COG5: variants seen among roughly 807,000 people sequenced by gnomAD.
COG5 encodes the protein conserved oligomeric Golgi complex subunit 5.
In COG5, 86 loss-of-function variants were observed where a neutral mutation model predicts 110.4. That is an observed-to-expected ratio of 0.78 (90% CI 0.65 to 0.93). The LOEUF (loss-of-function observed/expected upper bound fraction) is 0.93. Ranked by LOEUF, COG5 falls within the 40% of genes least tolerant of loss-of-function variation. COG5 has a pLI of 0.00. For synonymous variants in COG5, 360 were observed against 334.6 expected (o/e 1.08, Z -0.83); for missense variants, 1,077 against 987.0 (o/e 1.09, Z -1.22).
At chr7:107,383,943 GC>G (rs1815344706) in intron 7 of COG5, among the ~76,000 whole-genome samples, 1 of 152,136 alleles carries the variant, frequency 6.6e-6, no homozygotes, top group Admixed American at 6.5e-5. Flanking sequence ...GATCCCAGAA[GC>G]CCAACATACC....
intron 8 of COG5, among the ~76,000 whole-genome samples, chr7:107,370,870 G>A (rs1341677297): frequency 2.0e-5 from 3 of 150,654 alleles, no homozygotes. Flanking sequence ...AAGAACTGAT[G>A]CTTAAGGTTT....
At chr7:107,323,251 G>A (rs191592206) in intron 11 of COG5, among the ~76,000 whole-genome samples, 119 of 152,270 alleles carry the variant, frequency 7.8e-4, no homozygotes, top group Non-Finnish European at 1.6e-3. Context: ...GGAACAGGCC[G>A]GGCGCAGTGG....
At chr7:107,295,028 CACACACATAT>C (rs1221616999) in intron 12 of COG5, among the ~76,000 whole-genome samples, 4 of 105,042 alleles carry the variant, frequency 3.8e-5, no homozygotes, top group East Asian at 5.4e-4. Flanking sequence ...TATATATATA[CACACACATAT>C]ACACACACAC....
intron 11 of COG5, among the ~76,000 whole-genome samples, chr7:107,323,357 C>T (rs1471289811): frequency 2.0e-5 from 3 of 151,958 alleles, no homozygotes; most frequent in African/African-American, 4.8e-5. Flanking sequence ...GGTGAAACCC[C>T]GTCTTTACTA....
At chr7:107,358,965 A>G (rs1447603391) in intron 10 of COG5, among the ~76,000 whole-genome samples, 1 of 152,204 alleles carries the variant, frequency 6.6e-6, no homozygotes, top group Non-Finnish European at 1.5e-5. Flanking sequence ...CACAAATCAT[A>G]GCCATGAGTA....
At chr7:107,456,869 A>C (rs1049847941) in intron 6 of COG5, among the ~76,000 whole-genome samples, 4 of 152,198 alleles carry the variant, frequency 2.6e-5, no homozygotes, top group Non-Finnish European at 5.9e-5. Flanking sequence ...TCTATGAAGG[A>C]GTATGCCTTA....
At chr7:107,508,529 G>C (rs778579470) in intron 6 of COG5, among the ~76,000 whole-genome samples, 7 of 152,236 alleles carry the variant, frequency 4.6e-5, no homozygotes, top group Non-Finnish European at 8.8e-5. Flanking sequence ...TTTGAAGAGA[G>C]TAGTGGTTCT....
At chr7:107,209,885 T>C in intron 21 of COG5, 1 of 985,926 alleles carries the variant, frequency 1.0e-6, no homozygotes, top group Non-Finnish European at 1.2e-6. Flanking sequence ...TGGGAATGTT[T>C]GGTGGCTGAG....
chr7:107,541,559 T>G (rs1802040044), intron 5 of COG5, among the ~76,000 whole-genome samples: 1 of 142,686 alleles, frequency 7.0e-6, no homozygotes. Flanking sequence ...TATGCGTGTG[T>G]GTATTTATAT....
At chr7:107,213,838 T>C (rs1432421151) in intron 19 of COG5, among the ~76,000 whole-genome samples, 1 of 152,098 alleles carries the variant, frequency 6.6e-6, no homozygotes, top group Non-Finnish European at 1.5e-5. Flanking sequence ...CAGACATCAA[T>C]ACAAGGACAT....
chr7:107,343,773 A>C (rs1414041117), intron 10 of COG5, among the ~76,000 whole-genome samples: 6 of 152,194 alleles, frequency 3.9e-5, no homozygotes, highest in Admixed American at 3.3e-4. Context: ...ATGTTATGTT[A>C]GCATGCATGA....
intron 17 of COG5, among the ~76,000 whole-genome samples, chr7:107,247,546 T>C (rs995195038): frequency 2.6e-5 from 4 of 152,134 alleles, no homozygotes; most frequent in Admixed American, 1.3e-4. Flanking sequence ...TCAAAAATAA[T>C]AACTATGAAC....
chr7:107,389,762 G>A (rs371655381), intron 7 of COG5, among the ~76,000 whole-genome samples: 10 of 152,070 alleles, frequency 6.6e-5, no homozygotes, highest in Admixed American at 2.6e-4. Flanking sequence ...CCGATGGGGG[G>A]ATGGGATATC....
At chr7:107,502,492 G>C (rs754864963) in intron 6 of COG5, among the ~76,000 whole-genome samples, 1 of 152,112 alleles carries the variant, frequency 6.6e-6, no homozygotes, top group Non-Finnish European at 1.5e-5. Flanking sequence ...ATGTGTGCAC[G>C]TGTCTTTTTC....
intron 6 of COG5, among the ~76,000 whole-genome samples, chr7:107,448,244 G>C (rs1019103006): frequency 2.0e-5 from 3 of 152,088 alleles, no homozygotes; most frequent in African/African-American, 4.8e-5. Context: ...CTTCTTCATT[G>C]AAAGAGGCAT....
At position 107,296,781 on chromosome 7, in the gene COG5, A is replaced by G. The variant is rs192804102; in HGVS notation, c.1313+1361T>C. On this transcript the variant is annotated intron_variant, in intron 12 of 21. Transcript: ENST00000297135. ...AACTATACTGGACACAAATTCAACT[A>G]TATGTATTTAGGAATAAAATTAAAA... 4.6e-3 allele frequency among the ~76,000 whole-genome samples: 704 copies of G among 152,060 alleles called. 5 individuals are homozygous for G. Among genetic ancestry groups the G allele is most frequent in the Middle Eastern group, 0.024 (7 of 294 alleles).
At chr7:107,409,449 A>G (rs1792115472) in intron 7 of COG5, among the ~76,000 whole-genome samples, 2 of 150,812 alleles carry the variant, frequency 1.3e-5, no homozygotes. Flanking sequence ...AGAAGCCACA[A>G]TAGTGTAGAC....
rs552940921 is a variant in COG5, at chr7:107,288,234, C to T, written c.1314-4502G>A. ...AAATAATTAGTCAGGCATGGGAGTG[C>T]ACGCCTGTAATCCCAGCTACTCAAA... is the stretch of plus-strand genomic sequence containing the variant. On this transcript the variant is annotated intron_variant, in intron 12 of 21. Transcript: ENST00000297135. Among the ~76,000 whole-genome samples, 148 of 152,224 alleles carry T rather than the reference C, an allele frequency of 9.7e-4. 1 individual carries two copies. The highest frequency in any genetic ancestry group is 3.3e-3 in the African/African-American group (136 of 41,540).
At chr7:107,206,992 A>AAAAC (rs10624860) in intron 21 of COG5, among the ~76,000 whole-genome samples, 25,286 of 152,196 alleles carry the variant, frequency 0.17, 2,393 homozygotes, top group Non-Finnish European at 0.22. Flanking sequence ...TATTGAGAAA[A>AAAAC]AAAACACGAT....
Sources: allele counts gnomAD v4.1 joint callset (sites outside exome capture counted in the v4.1 genomes callset), GRCh38; gene constraint gnomAD v4.1.1; transcripts MANE v1.5; gene names NCBI Gene and HGNC (gene_info 2026-07-23, HGNC 2026-07-21).